The following KLF8 variants were observed in gnomAD, a reference collection of about 807,000 sequenced individuals.
KLF8 encodes KLF transcription factor 8.
A neutral mutation model predicts 18.2 loss-of-function variants in KLF8; 10 were observed. That is an observed-to-expected ratio of 0.55 (90% CI 0.34 to 0.93). The LOEUF (loss-of-function observed/expected upper bound fraction) is 0.93. Among genes scored for constraint, KLF8 ranks in the 40% least tolerant of loss-of-function variants. The pLI is 0.02. For synonymous variants in KLF8, 109 were observed against 97.3 expected, an observed-to-expected ratio of 1.12 and a Z score of -0.71; for missense variants, 264 against 277.9, an observed-to-expected ratio of 0.95 and a Z score of 0.36.
the KLF8 span, among the ~76,000 whole-genome samples, chrX:56,184,109 C>T: frequency 8.9e-6 from 1 of 112,489 alleles, no homozygotes; most frequent in Non-Finnish European, 1.9e-5. Context: ...AGGGAGTTCC[C>T]TTTCCTAGTC....
chrX:55,979,637 A>G, the KLF8 span, among the ~76,000 whole-genome samples: 1 of 112,384 alleles, frequency 8.9e-6, no homozygotes, highest in Non-Finnish European at 1.9e-5. Flanking sequence ...AAGCAGCAAT[A>G]TAAAGGCTGT....
intron 2 of KLF8, among the ~76,000 whole-genome samples, chrX:56,259,852 C>A (rs2066860740): frequency 9.0e-6 from 1 of 111,099 alleles, no homozygotes; most frequent in African/African-American, 3.3e-5. Flanking sequence ...CTGGAGAATT[C>A]TCGGTTTGAT....
the KLF8 span, among the ~76,000 whole-genome samples, chrX:55,972,693 A>T: frequency 9.0e-6 from 1 of 111,347 alleles, no homozygotes; most frequent in Non-Finnish European, 1.9e-5. Context: ...AAATTACAGA[A>T]AAACTGCTGA....
chrX:56,178,118 T>A, the KLF8 span, among the ~76,000 whole-genome samples: 1 of 111,882 alleles, frequency 8.9e-6, no homozygotes, highest in East Asian at 2.8e-4. Flanking sequence ...CTGCACCCAC[T>A]TTCTGACACT....
At chrX:56,050,548 GTTGT>G in the KLF8 span, among the ~76,000 whole-genome samples, 1 of 112,090 alleles carries the variant, frequency 8.9e-6, no homozygotes, top group African/African-American at 3.2e-5. Flanking sequence ...TCAGGAGCAG[GTTGT>G]TCAGTTTCCA....
the KLF8 span, among the ~76,000 whole-genome samples, chrX:56,151,665 T>C: frequency 3.6e-5 from 4 of 111,142 alleles, no homozygotes; most frequent in African/African-American, 1.3e-4. Context: ...GAGTTCAATT[T>C]TGAACCAGTT....
chrX:56,257,882 G>C (rs2066821324), intron 2 of KLF8, among the ~76,000 whole-genome samples: 1 of 112,358 alleles, frequency 8.9e-6, no homozygotes, highest in Admixed American at 9.4e-5. Context: ...CCGAGTAATA[G>C]GATTGCTGGG....
the KLF8 span, among the ~76,000 whole-genome samples, chrX:56,152,430 G>A: frequency 1.4e-4 from 16 of 111,303 alleles, no homozygotes; most frequent in African/African-American, 4.6e-4. Flanking sequence ...TTTACCAGAA[G>A]ATAGTGACTT....
the KLF8 span, among the ~76,000 whole-genome samples, chrX:55,979,063 G>A: frequency 3.2e-5 from 3 of 93,947 alleles, no homozygotes; most frequent in Non-Finnish European, 6.4e-5. Context: ...CTTGTAATCA[G>A]TTCCATAAAT....
At chrX:56,141,076 G>A in the KLF8 span, among the ~76,000 whole-genome samples, 2 of 111,411 alleles carry the variant, frequency 1.8e-5, no homozygotes, top group African/African-American at 3.3e-5. Flanking sequence ...CAATCCTCAC[G>A]CCTCAGCCTC....
chrX:56,032,415 A>G, the KLF8 span, among the ~76,000 whole-genome samples: 3 of 111,664 alleles, frequency 2.7e-5, no homozygotes, highest in Non-Finnish European at 5.6e-5. Context: ...CCATTCTGTA[A>G]CCACCACTAT....
the KLF8 span, among the ~76,000 whole-genome samples, chrX:56,158,774 A>T: frequency 2.7e-5 from 3 of 112,111 alleles, no homozygotes; most frequent in Non-Finnish European, 5.6e-5. Context: ...TATCAGCTTA[A>T]GGAGATTTTG....
chrX:56,258,006 T>A lies in KLF8; in HGVS notation c.82-7174T>A, dbSNP rs1176104757. 8.9e-5 allele frequency among the ~76,000 whole-genome samples: 10 copies of A among 112,192 alleles called. No individual in the cohort carries two copies. The Admixed American group carries it at 9.4e-4, about 11-fold the overall frequency. ...TAAATGAATTTGCTTAAGTTGCATA[T>A]GCATATGGATGAGAATCCTTTGTAC... On this transcript the variant is annotated intron_variant, in intron 2 of 5. Coordinates refer to ENST00000468660, the MANE Select transcript of KLF8 (RefSeq NM_007250.5).
chrX:56,081,849 A>T, the KLF8 span, among the ~76,000 whole-genome samples: 1 of 111,728 alleles, frequency 9.0e-6, no homozygotes, highest in African/African-American at 3.2e-5. Context: ...ATGCTGTTGA[A>T]TTCAATTTAC....
At chrX:56,215,995 G>C in the KLF8 span, among the ~76,000 whole-genome samples, 2 of 107,070 alleles carry the variant, frequency 1.9e-5, no homozygotes, top group Admixed American at 1.0e-4. Context: ...TTTTTTAATT[G>C]TTTCTCGGTG....
At chrX:56,098,890 G>T in the KLF8 span, among the ~76,000 whole-genome samples, 3 of 111,733 alleles carry the variant, frequency 2.7e-5, no homozygotes, top group Non-Finnish European at 5.7e-5. Context: ...AATTTTGCAG[G>T]ATACAAAATC....
the KLF8 span, among the ~76,000 whole-genome samples, chrX:56,093,178 A>G: frequency 9.0e-6 from 1 of 111,364 alleles, no homozygotes; most frequent in East Asian, 2.8e-4. Context: ...ATAAACAACA[A>G]ACCAGAAATC....
the KLF8 span, among the ~76,000 whole-genome samples, chrX:56,036,462 C>T: frequency 2.7e-5 from 3 of 111,721 alleles, no homozygotes; most frequent in Non-Finnish European, 5.7e-5. Context: ...ATGTTCTTGG[C>T]ATCTTTGTCA....
chrX:56,232,423 G>C lies in KLF8; in HGVS notation c.-912G>C, dbSNP rs2066411364. ...ACTCCACCCTAGGTGGAGTCCTCAC[G>C]ATAGTCACACCTCTCCTTTGGGCCT... On this transcript the variant is annotated 5_prime_UTR_variant, in exon 1 of 6. Transcript: ENST00000468660. The C allele has an allele frequency of 9.1e-6, 1 of 109,402 alleles. No individual in the cohort carries two copies. The allele number at this position is 109,402 out of a possible 1,213,427, so 9.0% of individuals were successfully genotyped here. A position where few individuals can be genotyped will look rare whatever the true frequency, so the allele number is the denominator to read the frequency against.
Sources: gnomAD v4.1 joint callset for allele counts (sites outside exome capture counted in the v4.1 genomes callset) on GRCh38, gnomAD v4.1.1 for gene constraint, MANE v1.5 for transcripts, NCBI Gene and HGNC (gene_info 2026-07-23, HGNC 2026-07-21) for gene names.